Variants in DPP10 observed in about 807,000 individuals in gnomAD.
DPP10 encodes inactive dipeptidyl peptidase 10.
DPP10 carries 33 observed loss-of-function variants against 120.9 expected under a neutral mutation model. That is an observed-to-expected ratio of 0.27 (90% confidence interval 0.21 to 0.37). The LOEUF (loss-of-function observed/expected upper bound fraction) is 0.37. Ranked by LOEUF, DPP10 falls within the 10% of genes least tolerant of loss-of-function variation. DPP10 has a pLI of 1.00. For missense variants in DPP10, 816 were observed against 942.8 expected (o/e 0.87, Z 1.76); for synonymous variants, 337 against 326.1 (o/e 1.03, Z -0.36).
chr2:115,225,406 A>G (rs1375993562), intron 1 of DPP10, among the ~76,000 whole-genome samples: 1 of 152,032 alleles, frequency 6.6e-6, no homozygotes, highest in African/African-American at 2.4e-5. Flanking sequence ...GCAGCACTGA[A>G]CAAAGGGCCC....
intron 1 of DPP10, among the ~76,000 whole-genome samples, chr2:114,936,910 A>G (rs1484750964): frequency 6.6e-6 from 1 of 152,126 alleles, no homozygotes; most frequent in Non-Finnish European, 1.5e-5. Context: ...TTGTCTATTC[A>G]TGTCCTTAGC....
intron 1 of DPP10, among the ~76,000 whole-genome samples, chr2:114,473,852 T>C (rs1222631056): frequency 6.6e-6 from 1 of 152,236 alleles, no homozygotes; most frequent in African/African-American, 2.4e-5. Flanking sequence ...TATTTGTATA[T>C]ATTTATACTT....
At chr2:115,468,363 C>T in intron 3 of DPP10, 1 of 510,376 alleles carries the variant, frequency 2.0e-6, no homozygotes, top group Non-Finnish European at 3.9e-6. Flanking sequence ...CTGCTTCACT[C>T]TTGGGATGTT....
intron 1 of DPP10, among the ~76,000 whole-genome samples, chr2:114,719,060 T>C (rs951056408): frequency 6.6e-6 from 1 of 152,264 alleles, no homozygotes; most frequent in African/African-American, 2.4e-5. Context: ...TTGGTTGATG[T>C]ATTATTTTCA....
At chr2:114,901,408 G>C (rs1416965691) in intron 1 of DPP10, among the ~76,000 whole-genome samples, 1 of 152,142 alleles carries the variant, frequency 6.6e-6, no homozygotes, top group Non-Finnish European at 1.5e-5. Flanking sequence ...TTGTTAGCCA[G>C]GATGGTCTCG....
At chr2:114,737,633 C>G (rs985486239) in intron 1 of DPP10, among the ~76,000 whole-genome samples, 4 of 152,172 alleles carry the variant, frequency 2.6e-5, no homozygotes, top group Non-Finnish European at 5.9e-5. Context: ...AGGCTGTCAT[C>G]CAACAGAGTC....
At chr2:115,110,019 T>C (rs888716568) in intron 1 of DPP10, among the ~76,000 whole-genome samples, 1 of 152,188 alleles carries the variant, frequency 6.6e-6, no homozygotes, top group Non-Finnish European at 1.5e-5. Flanking sequence ...AATATGGTAG[T>C]TGGGCAAAAT....
chr2:115,736,313 G>A (rs144659941), intron 8 of DPP10, among the ~76,000 whole-genome samples: 27 of 152,164 alleles, frequency 1.8e-4, no homozygotes, highest in East Asian at 9.7e-4. Context: ...ATGACATCCC[G>A]GCTTCAAGGT....
At chr2:115,820,454 A>T (rs1169289420) in intron 21 of DPP10, among the ~76,000 whole-genome samples, 2 of 148,978 alleles carry the variant, frequency 1.3e-5, no homozygotes, top group Non-Finnish European at 3.0e-5. Context: ...ATTTCAACAG[A>T]GGTTTGAGGA....
chr2:114,496,337 A>G (rs1179156617), intron 1 of DPP10, among the ~76,000 whole-genome samples: 1 of 152,136 alleles, frequency 6.6e-6, no homozygotes, highest in Non-Finnish European at 1.5e-5. Context: ...CTCTAATGAG[A>G]GTGTTGCTTA....
intron 1 of DPP10, among the ~76,000 whole-genome samples, chr2:114,959,425 G>T (rs184993985): frequency 4.7e-4 from 72 of 152,194 alleles, no homozygotes; most frequent in Admixed American, 1.8e-3. Flanking sequence ...TGTTTTCAAA[G>T]AATATTTCAT....
chr2:114,834,346 A>C (rs374373727), intron 1 of DPP10, among the ~76,000 whole-genome samples: 402 of 115,988 alleles, frequency 3.5e-3, no homozygotes, highest in African/African-American at 9.5e-3. Flanking sequence ...TATATAAAAG[A>C]CATGTCTACA....
At chr2:115,454,997 A>G (rs1468229791) in intron 3 of DPP10, among the ~76,000 whole-genome samples, 1 of 151,146 alleles carries the variant, frequency 6.6e-6, no homozygotes, top group South Asian at 2.1e-4. Flanking sequence ...AAAATTAAGA[A>G]TATAATGTAA....
chr2:115,165,804 C>T (rs1559171635), intron 1 of DPP10, among the ~76,000 whole-genome samples: 1 of 152,052 alleles, frequency 6.6e-6, no homozygotes, highest in Non-Finnish European at 1.5e-5. Flanking sequence ...ACAAAAATAA[C>T]CACACAAAAA....
At chr2:115,012,915 A>G (rs1339423102) in intron 1 of DPP10, among the ~76,000 whole-genome samples, 1 of 152,166 alleles carries the variant, frequency 6.6e-6, no homozygotes, top group Admixed American at 6.5e-5. Context: ...AATCAAAAAC[A>G]TGATATAGGA....
chr2:114,932,383 A>G lies in DPP10; in HGVS notation c.61-376856A>G, dbSNP rs543434211. Among the ~76,000 whole-genome samples the G allele has an allele frequency of 1.4e-4, 22 of 152,360 alleles. No individual in the cohort carries two copies. The South Asian group carries it at 4.3e-3, about 30-fold the overall frequency. On this transcript the variant is annotated intron_variant, in intron 1 of 25. Coordinates refer to ENST00000410059, the MANE Select transcript of DPP10 (RefSeq NM_020868.6). The stretch of plus-strand genomic sequence containing the variant: ...GAGTTTTCATAACAGCTTTATATAC[A>G]TCATGGCCCATGGCTGAAATAACCC...
chr2:114,942,398 C>CATAT (rs1459908933), intron 1 of DPP10, among the ~76,000 whole-genome samples: 1 of 100,522 alleles, frequency 9.9e-6, no homozygotes, highest in Non-Finnish European at 2.2e-5. Flanking sequence ...TATACACACA[C>CATAT]ACACATATAT....
At chr2:115,348,856 A>G (rs974526693) in intron 3 of DPP10, among the ~76,000 whole-genome samples, 36 of 152,082 alleles carry the variant, frequency 2.4e-4, no homozygotes, top group African/African-American at 8.0e-4. Context: ...TCCACTTACC[A>G]TTTGTTATGA....
intron 1 of DPP10, among the ~76,000 whole-genome samples, chr2:114,488,742 G>C (rs1681729398): frequency 6.6e-6 from 1 of 152,152 alleles, no homozygotes; most frequent in Non-Finnish European, 1.5e-5. Context: ...GGCATCCCCA[G>C]ACTAAATGAG....
Sources: allele counts gnomAD v4.1 joint callset (sites outside exome capture counted in the v4.1 genomes callset), GRCh38; gene constraint gnomAD v4.1.1; transcripts MANE v1.5; gene names NCBI Gene and HGNC (gene_info 2026-07-23, HGNC 2026-07-21).